TENM4: variants seen among roughly 807,000 people sequenced by gnomAD.
The protein encoded by TENM4 is teneurin-4.
In TENM4, 82 loss-of-function variants were observed where a neutral mutation model predicts 243.3. The ratio of observed to expected loss-of-function variants is 0.34; its 90% CI spans 0.28 to 0.40. The LOEUF (loss-of-function observed/expected upper bound fraction) is 0.40, where lower values mean the gene tolerates loss of function less well. TENM4 is among the 10% of genes least tolerant of loss of function. The pLI is 1.00. For synonymous variants in TENM4, 1,412 were observed against 1,456.3 expected (o/e 0.97, Z 0.69); for missense variants, 3,138 against 3,673.3 (o/e 0.85, Z 3.77).
chr11:78,942,036 T>C (rs995643633), intron 6 of TENM4, among the ~76,000 whole-genome samples: 3 of 150,270 alleles, frequency 2.0e-5, no homozygotes. Flanking sequence ...TGGCTTTCCC[T>C]GGGCCATACT....
At chr11:78,943,974 G>A (rs1358063906) in intron 6 of TENM4, among the ~76,000 whole-genome samples, 2 of 152,186 alleles carry the variant, frequency 1.3e-5, no homozygotes, top group African/African-American at 2.4e-5. Context: ...TGAGGACTGC[G>A]TTTCTGTTCC....
chr11:79,110,252 C>G (rs1861473562), intron 4 of TENM4, among the ~76,000 whole-genome samples: 1 of 152,170 alleles, frequency 6.6e-6, no homozygotes, highest in African/African-American at 2.4e-5. Flanking sequence ...TTATCCATTG[C>G]CATAAGCCTA....
At chr11:79,244,958 G>GGAAGTAAGGATTTAGAGGT (rs1420227962) in intron 2 of TENM4, among the ~76,000 whole-genome samples, 12 of 152,322 alleles carry the variant, frequency 7.9e-5, no homozygotes, top group African/African-American at 2.6e-4. Context: ...AGGTAGCTAA[G>GGAAGTAAGGATTTAGAGGT]GAAGTAAGGA....
chr11:78,701,809 G>T lies in TENM4; in HGVS notation c.4804C>A (p.Pro1602Thr). 6.2e-7 allele frequency: 1 copy of T among 1,614,032 alleles called. No homozygotes were observed. The highest frequency in any genetic ancestry group is 8.5e-7 in the Non-Finnish European group (1 of 1,179,896). The change falls in exon 28 of 34, where the codon CCC (proline) becomes ACC (threonine). Residue 1602 changes from proline (P) to threonine (T), a missense_variant. Physicochemically the swap from Pro to Thr is conservative, Grantham distance 38. Around this residue, in one of 2 missense-constraint regions of TENM4, gnomAD observed 2,467 missense variants for 3,059.1 expected, o/e 0.81. Transcript: ENST00000278550. ...TGKHLYTQSL[P>T]TGDYLYNFTY... ...AAGTTGTACAGGTAGTCTCCTGTGG[G>T]CAGGCTTTGGGTGTACAGGTGCTTG... is the stretch of plus-strand genomic sequence containing the variant.
intron 9 of TENM4, among the ~76,000 whole-genome samples, chr11:78,880,670 AAC>A (rs1315033143): frequency 1.3e-5 from 2 of 152,202 alleles, no homozygotes; most frequent in Admixed American, 1.3e-4. Flanking sequence ...GGTCAAGGAT[AAC>A]ACACAGAAAA....
At chr11:79,353,846 A>G (rs1475109206) in intron 1 of TENM4, among the ~76,000 whole-genome samples, 1 of 151,788 alleles carries the variant, frequency 6.6e-6, no homozygotes, top group Non-Finnish European at 1.5e-5. Context: ...TTATTTATGT[A>G]GTTTTATTGG....
intron 18 of TENM4, among the ~76,000 whole-genome samples, chr11:78,763,274 A>G (rs1257430198): frequency 2.0e-5 from 3 of 152,240 alleles, no homozygotes; most frequent in African/African-American, 4.8e-5. Context: ...GTGACAGTGA[A>G]AAGAGGCAGA....
chr11:79,001,204 G>C (rs111907144), intron 6 of TENM4, among the ~76,000 whole-genome samples: 3 of 152,318 alleles, frequency 2.0e-5, no homozygotes, highest in African/African-American at 7.2e-5. Context: ...CAGCTTCAAA[G>C]TAAAAGAATG....
intron 19 of TENM4, among the ~76,000 whole-genome samples, chr11:78,754,078 T>C (rs1230928994): frequency 6.6e-6 from 1 of 152,366 alleles, no homozygotes; most frequent in Non-Finnish European, 1.5e-5. Context: ...GTATATGTTT[T>C]CAGCAACTAC....
chr11:79,111,955 G>C (rs1861518261), intron 4 of TENM4, among the ~76,000 whole-genome samples: 1 of 151,996 alleles, frequency 6.6e-6, no homozygotes, highest in South Asian at 2.1e-4. Context: ...CAAAGATATG[G>C]AGTTACAAAA....
intron 3 of TENM4, among the ~76,000 whole-genome samples, chr11:79,170,250 A>G (rs956779674): frequency 6.6e-6 from 1 of 151,338 alleles, no homozygotes; most frequent in African/African-American, 2.4e-5. Context: ...GGAACATAAG[A>G]CTCTGTCACA....
intron 10 of TENM4, among the ~76,000 whole-genome samples, chr11:78,860,940 C>A (rs1490009430): frequency 6.6e-6 from 1 of 152,224 alleles, no homozygotes; most frequent in Non-Finnish European, 1.5e-5. Flanking sequence ...AAAACCTAAA[C>A]AACCCACAGA....
intron 2 of TENM4, among the ~76,000 whole-genome samples, chr11:79,233,638 G>T (rs1864409861): frequency 6.6e-6 from 1 of 152,136 alleles, no homozygotes; most frequent in Non-Finnish European, 1.5e-5. Context: ...TCATATTGGT[G>T]GGGCAAGGCG....
Position 78,805,277 on chromosome 11 carries a change from T to TGCCCCCCCCACC in TENM4, c.2179+14_2179+15insGGTGGGGGGGGC. Reference sequence around the variant, plus strand: ...CCCCTCCCTCTACCCATGCTTCTTCTCCCCCTGCATTTACCGATAGAACAG... The same window carrying TGCCCCCCCCACC: ...CCCCTCCCTCTACCCATGCTTCTTCTGCCCCCCCCACCCCCCCTGCATTTACCGATAGAACAG... On this transcript the variant is annotated intron_variant, in intron 15 of 33. Transcript: ENST00000278550. 7.1e-7 allele frequency: 1 copy of TGCCCCCCCCACC among 1,402,550 alleles called. No homozygotes were observed. Among genetic ancestry groups the TGCCCCCCCCACC allele is most frequent in the Non-Finnish European group, 9.7e-7 (1 of 1,033,116 alleles). 86.9% of individuals were successfully genotyped at this position (1,402,550 alleles called of 1,614,324 possible).
chr11:79,219,721 C>T (rs1356093526), intron 2 of TENM4, among the ~76,000 whole-genome samples: 1 of 152,198 alleles, frequency 6.6e-6, no homozygotes, highest in Non-Finnish European at 1.5e-5. Flanking sequence ...ATGTACCTGA[C>T]ACAACCGTCT....
intron 1 of TENM4, among the ~76,000 whole-genome samples, chr11:79,401,617 T>G (rs1858463657): frequency 6.6e-6 from 1 of 152,226 alleles, no homozygotes; most frequent in Non-Finnish European, 1.5e-5. Context: ...TTCTGAAGCA[T>G]TTCTCTTTCC....
chr11:78,971,689 A>G (rs1857550363), intron 6 of TENM4, among the ~76,000 whole-genome samples: 1 of 152,206 alleles, frequency 6.6e-6, no homozygotes, highest in East Asian at 1.9e-4. Flanking sequence ...CAATTGAGCA[A>G]TTCCACTTTT....
chr11:78,696,362 C>T (rs1468494811), intron 28 of TENM4, among the ~76,000 whole-genome samples: 1 of 152,110 alleles, frequency 6.6e-6, no homozygotes, highest in African/African-American at 2.4e-5. Context: ...GTTTCAACAC[C>T]TGTGTCATAC....
At chr11:79,179,542 G>A (rs140510340) in intron 3 of TENM4, among the ~76,000 whole-genome samples, 5,552 of 145,776 alleles carry the variant, frequency 0.038, 246 homozygotes, top group Middle Eastern at 0.072. Context: ...TTGAAATTTG[G>A]GATAAAATAT....
Sources: allele counts gnomAD v4.1 joint callset (sites outside exome capture counted in the v4.1 genomes callset), GRCh38; gene constraint gnomAD v4.1.1; regional missense constraint gnomAD v4.1.1; transcripts MANE v1.5; gene names NCBI Gene and HGNC (gene_info 2026-07-23, HGNC 2026-07-21).